Variants in TUNAR observed in about 807,000 individuals in gnomAD.
The protein encoded by TUNAR is transmembrane neural differentiation associated intracellular calcium regulator, also known as protein TUNAR.
chr14:95,925,521 A>C (rs1889773923), exon 3 of TUNAR: 1 of 152,296 alleles, frequency 6.6e-6, no homozygotes, highest in South Asian at 2.1e-4. Context: ...ACTGTATGAA[A>C]ATTCTGAACA....
intron 2 of TUNAR, among the ~76,000 whole-genome samples, chr14:95,887,697 C>T (rs1889101118): frequency 6.6e-6 from 1 of 152,160 alleles, no homozygotes; most frequent in Non-Finnish European, 1.5e-5. Context: ...CCTGCTGGCA[C>T]ATTTCATAGG....
chr14:95,919,714 AAATAAT>A (rs1400411172), intron 2 of TUNAR, among the ~76,000 whole-genome samples: 12 of 152,170 alleles, frequency 7.9e-5, no homozygotes, highest in African/African-American at 2.4e-4. Context: ...GCCTGTCTCA[AAATAAT>A]AATAATAATA....
Position 95,895,859 on chromosome 14 carries a change from A to T in TUNAR, c.12+18682A>T, listed in dbSNP as rs1165881298. 1.3e-5 allele frequency: 2 copies of T among 152,154 alleles called. No individual in the cohort carries two copies. Among genetic ancestry groups the T allele is most frequent in the Non-Finnish European group, 2.9e-5 (2 of 68,054 alleles). The allele number at this position is 152,154 out of a possible 1,614,324, so 9.4% of individuals were successfully genotyped here. ...CTCTGACCCTGGTCCCTTCCACTGCAGGCTGTTGCTCCGGTGTCTCTGGGC... is the reference window on the plus strand; with the variant it reads ...CTCTGACCCTGGTCCCTTCCACTGCTGGCTGTTGCTCCGGTGTCTCTGGGC... On this transcript the variant is annotated intron_variant, in intron 2 of 2. Transcript: ENST00000678517. The surrounding 1 kb of genome is among the most constrained non-coding windows in gnomAD (Gnocchi z 4.5).
At chr14:95,879,707 G>GTTT (rs112002523) in intron 2 of TUNAR, among the ~76,000 whole-genome samples, 91 of 147,726 alleles carry the variant, frequency 6.2e-4, no homozygotes, top group Non-Finnish European at 7.5e-4. Flanking sequence ...CTTAAATCCA[G>GTTT]TTTTTTTTTT....
chr14:95,888,880 G>A (rs918957871), intron 2 of TUNAR, among the ~76,000 whole-genome samples: 9 of 152,294 alleles, frequency 5.9e-5, no homozygotes, highest in Admixed American at 3.3e-4. Context: ...AAGCCACCAC[G>A]GAGTGCTTAG....
chr14:95,915,887 T>C (rs1272244782), intron 2 of TUNAR, among the ~76,000 whole-genome samples: 1 of 152,240 alleles, frequency 6.6e-6, no homozygotes, highest in East Asian at 1.9e-4. Context: ...GTAGGGGTGC[T>C]GATGAGGAGC....
chr14:95,922,296 G>C (rs1400313553), intron 2 of TUNAR, among the ~76,000 whole-genome samples: 2 of 152,164 alleles, frequency 1.3e-5, no homozygotes, highest in East Asian at 3.9e-4. Context: ...CTGGCTTCCA[G>C]CCACCCCTAC....
At chr14:95,916,319 A>G (rs1364167095) in intron 2 of TUNAR, among the ~76,000 whole-genome samples, 1 of 152,188 alleles carries the variant, frequency 6.6e-6, no homozygotes, top group East Asian at 1.9e-4. Flanking sequence ...TTGTATCTCC[A>G]TATAAAATAT....
intron 2 of TUNAR, among the ~76,000 whole-genome samples, chr14:95,906,085 A>G (rs1889423064): frequency 6.6e-6 from 1 of 152,182 alleles, no homozygotes; most frequent in Non-Finnish European, 1.5e-5. Context: ...TGGTATCACA[A>G]GATGTTCAAG....
chr14:95,901,900 C>T (rs936958059), intron 2 of TUNAR, among the ~76,000 whole-genome samples: 2 of 152,112 alleles, frequency 1.3e-5, no homozygotes, highest in African/African-American at 2.4e-5. Context: ...TGCAGGGACA[C>T]GGTATCTGAG....
At chr14:95,886,656 A>G (rs1889081967) in intron 2 of TUNAR, among the ~76,000 whole-genome samples, 1 of 152,186 alleles carries the variant, frequency 6.6e-6, no homozygotes, top group South Asian at 2.1e-4. Flanking sequence ...AGGGAATGCA[A>G]TTCCACCCTC....
chr14:95,893,567 TC>T (rs920902054), intron 2 of TUNAR, among the ~76,000 whole-genome samples: 125 of 150,722 alleles, frequency 8.3e-4, no homozygotes, highest in Middle Eastern at 3.4e-3. Context: ...AGACCATGGA[TC>T]CCCCCCACCC....
chr14:95,882,418 C>T (rs946020056), intron 2 of TUNAR, among the ~76,000 whole-genome samples: 7 of 152,176 alleles, frequency 4.6e-5, no homozygotes, highest in African/African-American at 1.7e-4. Flanking sequence ...ATTTCACACC[C>T]GTTTCCAGCA....
At chr14:95,893,415 G>A (rs1889211577) in intron 2 of TUNAR, among the ~76,000 whole-genome samples, 1 of 152,116 alleles carries the variant, frequency 6.6e-6, no homozygotes, top group African/African-American at 2.4e-5. Context: ...AAGTGGAATC[G>A]AAAGTGACCA....
chr14:95,894,828 G>A (rs1301349480), intron 2 of TUNAR, among the ~76,000 whole-genome samples: 1 of 152,226 alleles, frequency 6.6e-6, no homozygotes, highest in African/African-American at 2.4e-5. Context: ...GCACAGGGAA[G>A]GTGTAGATGC....
At chr14:95,913,202 T>C (rs1889546753) in intron 2 of TUNAR, among the ~76,000 whole-genome samples, 1 of 151,022 alleles carries the variant, frequency 6.6e-6, no homozygotes, top group Non-Finnish European at 1.5e-5. Flanking sequence ...AACCTGCAGG[T>C]TTGTTAAATA....
chr14:95,892,069 T>C (rs1254334807), intron 2 of TUNAR, among the ~76,000 whole-genome samples: 1 of 152,256 alleles, frequency 6.6e-6, no homozygotes, highest in Non-Finnish European at 1.5e-5. Context: ...TCAGCAGAGA[T>C]GCCATTTCCA....
intron 2 of TUNAR, among the ~76,000 whole-genome samples, chr14:95,887,381 C>A (rs764821825): frequency 1.3e-5 from 2 of 152,158 alleles, no homozygotes; most frequent in Non-Finnish European, 2.9e-5. Flanking sequence ...TCTGGCTGAG[C>A]TTTTGGGGCA....
At chr14:95,919,591 T>C (rs1169117950) in intron 2 of TUNAR, among the ~76,000 whole-genome samples, 1 of 151,930 alleles carries the variant, frequency 6.6e-6, no homozygotes, top group Non-Finnish European at 1.5e-5. Context: ...TGCACGCTGG[T>C]GGTACCAACT....
Sources: allele counts gnomAD v4.1 joint callset (sites outside exome capture counted in the v4.1 genomes callset), GRCh38; gene constraint gnomAD v4.1.1; non-coding constraint Gnocchi (gnomAD v3.1); transcripts MANE v1.5; gene names NCBI Gene and HGNC (gene_info 2026-07-23, HGNC 2026-07-21).